COL14A1: variants seen among roughly 807,000 people sequenced by gnomAD.
The protein encoded by COL14A1 is collagen alpha-1(XIV) chain.
A neutral mutation model predicts 230.3 loss-of-function variants in COL14A1; 136 were observed. The observed-to-expected ratio is 0.59, with a 90% CI of 0.51 to 0.68. The LOEUF (loss-of-function observed/expected upper bound fraction) is 0.68, where lower values mean the gene tolerates loss of function less well. COL14A1 is among the 30% of genes least tolerant of loss of function. The pLI is 0.00. For synonymous variants in COL14A1, 792 were observed against 784.1 expected, an observed-to-expected ratio of 1.01 and a Z score of -0.17; for missense variants, 1,976 against 2,215.8, an observed-to-expected ratio of 0.89 and a Z score of 2.17.
intron 2 of COL14A1, among the ~76,000 whole-genome samples, chr8:120,153,839 G>A (rs1482550566): frequency 6.6e-6 from 1 of 152,218 alleles, no homozygotes; most frequent in Non-Finnish European, 1.5e-5. Context: ...AGAAACTAGT[G>A]ACCATTTTCC....
In COL14A1 at chr8:120,369,977, G is replaced by A. The variant is rs181496772; in HGVS notation, c.5311+492G>A. Among the ~76,000 whole-genome samples, 27 of 152,280 alleles carry A rather than the reference G, an allele frequency of 1.8e-4. No individual in the cohort carries two copies. In the East Asian group the frequency reaches 4.6e-3, roughly 26 times the overall value. ...ACCACTTGCATTTAGGTGCATTTAA[G>A]CACCACATTTTAGGTGACCAAGAAT... On this transcript the variant is annotated intron_variant, in intron 47 of 47. Transcript: ENST00000297848.
chr8:120,314,417 AG>A (rs1821142964), intron 38 of COL14A1, among the ~76,000 whole-genome samples: 1 of 152,218 alleles, frequency 6.6e-6, no homozygotes, highest in Admixed American at 6.5e-5. Flanking sequence ...AATTAATAAA[AG>A]CCATTTATTC....
intron 19 of COL14A1, among the ~76,000 whole-genome samples, chr8:120,236,104 G>T (rs1322819793): frequency 6.6e-6 from 1 of 152,190 alleles, no homozygotes; most frequent in Non-Finnish European, 1.5e-5. Flanking sequence ...GGTTTGGAGT[G>T]GAGAGTTCTG....
intron 39 of COL14A1, 106 bp from the exon 40 acceptor site, chr8:120,315,838 T>A: frequency 8.6e-7 from 1 of 1,162,088 alleles, no homozygotes; most frequent in Admixed American, 2.0e-5. Context: ...GGTTCACCAT[T>A]ATGCTCTTAG....
chr8:120,213,524 C>A (rs1817669464), intron 13 of COL14A1, among the ~76,000 whole-genome samples: 1 of 152,080 alleles, frequency 6.6e-6, no homozygotes, highest in African/African-American at 2.4e-5. Context: ...CGGAGAAAGA[C>A]CAATGTAATT....
chr8:120,284,277 A>G (rs1820127217), intron 32 of COL14A1, among the ~76,000 whole-genome samples: 1 of 152,200 alleles, frequency 6.6e-6, no homozygotes, highest in Non-Finnish European at 1.5e-5. Flanking sequence ...GATCAACTAG[A>G]AAATGAGTCT....
chr8:120,372,606 A>G lies in COL14A1; in HGVS notation c.*1375A>G, dbSNP rs1002385736. Among the ~76,000 whole-genome samples, 1 of 152,192 alleles carries G rather than the reference A, an allele frequency of 6.6e-6. No individual in the cohort carries two copies. Among genetic ancestry groups the G allele is most frequent in the Non-Finnish European group, 1.5e-5 (1 of 68,034 alleles). ...GAAAGTAGGGATGGGATCATTTACAACTAGAAGCTGGATTCTTTCTGGATC... is the reference window on the plus strand; with the variant it reads ...GAAAGTAGGGATGGGATCATTTACAGCTAGAAGCTGGATTCTTTCTGGATC... On this transcript the variant is annotated 3_prime_UTR_variant, in exon 48 of 48. Transcript: ENST00000297848.
chr8:120,332,765 G>A (rs764637493), intron 42 of COL14A1, 30 bp downstream of exon 42: 1 of 1,560,244 alleles, frequency 6.4e-7, no homozygotes, highest in Non-Finnish European at 8.8e-7. Context: ...TGCTCAGAAT[G>A]TAGGCCCAGT....
intron 1 of COL14A1, among the ~76,000 whole-genome samples, chr8:120,134,858 C>T (rs1814657096): frequency 6.6e-6 from 1 of 152,074 alleles, no homozygotes; most frequent in African/African-American, 2.4e-5. Context: ...GCCTGTAATC[C>T]CAGCTATTTG....
intron 46 of COL14A1, among the ~76,000 whole-genome samples, chr8:120,367,765 AT>A (rs1823452999): frequency 2.1e-5 from 3 of 144,550 alleles, no homozygotes; most frequent in African/African-American, 8.5e-5. Flanking sequence ...ACGAAACCCC[AT>A]TTCTACCAAA....
intron 4 of COL14A1, among the ~76,000 whole-genome samples, chr8:120,166,875 A>AGT (rs4053270): frequency 0.23 from 27,094 of 116,778 alleles, 3,188 homozygotes; most frequent in Admixed American, 0.31. Context: ...AAAGAATTTA[A>AGT]GTGTGTGTGT....
intron 12 of COL14A1, among the ~76,000 whole-genome samples, chr8:120,211,066 C>T (rs915569276): frequency 5.3e-5 from 8 of 152,030 alleles, no homozygotes; most frequent in African/African-American, 1.4e-4. Context: ...GGAAAAGAAT[C>T]GCTCCTGTAA....
intron 20 of COL14A1, among the ~76,000 whole-genome samples, chr8:120,245,913 C>G (rs1159841656): frequency 6.6e-6 from 1 of 152,166 alleles, no homozygotes; most frequent in Non-Finnish European, 1.5e-5. Flanking sequence ...CTGCTGCAGT[C>G]TATTTATTGG....
chr8:120,310,261 T>C (rs1372762515), intron 37 of COL14A1, among the ~76,000 whole-genome samples, 199 bp downstream of exon 37: 2 of 152,186 alleles, frequency 1.3e-5, no homozygotes, highest in Non-Finnish European at 1.5e-5. Flanking sequence ...AATAACTCAA[T>C]GAAAAGAAAG....
intron 42 of COL14A1, 37 bp downstream of exon 42, chr8:120,332,772 C>A (rs370698076): frequency 9.1e-6 from 14 of 1,530,812 alleles, no homozygotes; most frequent in Non-Finnish European, 1.3e-5. Flanking sequence ...AATGTAGGCC[C>A]AGTCATCACG....
chr8:120,134,414 T>C (rs1433428262), intron 1 of COL14A1, among the ~76,000 whole-genome samples: 1 of 152,116 alleles, frequency 6.6e-6, no homozygotes, highest in East Asian at 1.9e-4. Flanking sequence ...ACTAATTGGA[T>C]AGACATGGAG....
intron 31 of COL14A1, among the ~76,000 whole-genome samples, chr8:120,282,875 C>T (rs1586829978): frequency 6.6e-6 from 1 of 152,032 alleles, no homozygotes; most frequent in Non-Finnish European, 1.5e-5. Context: ...CAGGACAAGC[C>T]AAGAGGGAGA....
At chr8:120,251,115 C>G (rs1222922864) in intron 22 of COL14A1, among the ~76,000 whole-genome samples, 2 of 152,164 alleles carry the variant, frequency 1.3e-5, no homozygotes, top group Non-Finnish European at 2.9e-5. Flanking sequence ...TTCACTCAAC[C>G]CTGCTTCCAT....
intron 21 of COL14A1, among the ~76,000 whole-genome samples, chr8:120,248,062 C>A (rs1472691199): frequency 6.6e-6 from 1 of 152,128 alleles, no homozygotes; most frequent in African/African-American, 2.4e-5. Flanking sequence ...GAATAGGAAG[C>A]TTTATGCTCA....
Sources: gnomAD v4.1 joint callset for allele counts (sites outside exome capture counted in the v4.1 genomes callset) on GRCh38, gnomAD v4.1.1 for gene constraint, MANE v1.5 for transcripts, NCBI Gene and HGNC (gene_info 2026-07-23, HGNC 2026-07-21) for gene names.